Variants in FAM234A observed in about 807,000 individuals in gnomAD.
FAM234A encodes family with sequence similarity 234 member A.
Under a neutral mutation model 49.1 loss-of-function variants are expected in FAM234A, and 42 were observed. The ratio of observed to expected loss-of-function variants is 0.86; its 90% CI spans 0.67 to 1.11. FAM234A has a LOEUF of 1.11. Among genes scored for constraint, FAM234A ranks in the 50% least tolerant of loss-of-function variants. The probability of loss-of-function intolerance (pLI) is 0.00; values close to 1 mark genes in which losing one functional copy is unlikely to be tolerated. For missense variants in FAM234A, 815 were observed against 745.2 expected, an observed-to-expected ratio of 1.09 and a Z score of -1.09; for synonymous variants, 369 against 316.2, an observed-to-expected ratio of 1.17 and a Z score of -1.77.
At chr16:266,691 A>G (rs1382274415), downstream of FAM234A, among the ~76,000 whole-genome samples, 1 of 152,198 alleles carries the variant, frequency 6.6e-6, no homozygotes, top group Non-Finnish European at 1.5e-5. Context: ...GATGAGGTTG[A>G]ACAGGTGGGT....
chr16:237,027 T>TA (rs1257602872), intron 1 of FAM234A, among the ~76,000 whole-genome samples: 1 of 151,930 alleles, frequency 6.6e-6, no homozygotes, highest in Non-Finnish European at 1.5e-5. Context: ...GTGCTGGAAT[T>TA]ATAAGTGTGA....
intron 1 of FAM234A, among the ~76,000 whole-genome samples, chr16:247,674 C>G (rs1391321172): frequency 2.0e-5 from 3 of 152,034 alleles, no homozygotes; most frequent in African/African-American, 7.3e-5. Context: ...CTCAGGTACT[C>G]CGCCTGCCTT....
rs1043102 is a variant in FAM234A, at chr16:264,997, G to T, written c.1634G>T (p.Arg545Leu). Residue 545 changes from arginine to leucine, a missense_variant, in exon 13 of 13, where the codon CGG becomes CTG. Physicochemically the swap from Arg to Leu is moderately radical, Grantham distance 102 (BLOSUM62 -2). Coordinates refer to ENST00000399932, the MANE Select transcript of FAM234A (RefSeq NM_032039.4). ...SDQAIRDRFSRLRYQSEA is the reference protein window; with the variant it reads ...SDQAIRDRFSLLRYQSEA Reference sequence around the variant, plus strand: ...CAAGCCATCAGGGACCGGTTCTCCCGGCTGCGGTACCAGAGTGAGGCGTAG... The same window carrying T: ...CAAGCCATCAGGGACCGGTTCTCCCTGCTGCGGTACCAGAGTGAGGCGTAG... 2 of 1,610,408 alleles carry T rather than the reference G, an allele frequency of 1.2e-6. No individual in the cohort carries two copies. The highest frequency in any genetic ancestry group is 8.5e-7 in the Non-Finnish European group (1 of 1,178,348).
At position 263,743 on chromosome 16, in the gene FAM234A, GC is replaced by G; in HGVS notation, c.1158del (p.Val387LeufsTer25). 6.2e-7 allele frequency: 1 copy of G among 1,614,132 alleles called. No homozygotes were observed. The highest frequency in any genetic ancestry group is 8.5e-7 in the Non-Finnish European group (1 of 1,179,996). Reference protein sequence around the residue: ...GRYKPDTLAVAVENGTGTDRQ... With the variant: ...GRYKPDTLAVXVENGTGTDRQ... Reference sequence around the variant, plus strand: ...CTACAAACCAGACACCTTGGCTGTAGCCGTTGAAAACGGAACTGGCACCGAC... The same window carrying G: ...CTACAAACCAGACACCTTGGCTGTAGCGTTGAAAACGGAACTGGCACCGAC... On this transcript the variant is annotated frameshift_variant, in exon 10 of 13. Transcript: ENST00000399932. LOFTEE classifies it high-confidence loss of function.
intron 3 of FAM234A, among the ~76,000 whole-genome samples, chr16:257,975 A>C (rs2051303136): frequency 1.3e-5 from 2 of 151,936 alleles, no homozygotes; most frequent in African/African-American, 4.8e-5. Flanking sequence ...CTCCTGCCTT[A>C]GCCTCCCGAG....
At chr16:243,588 G>C (rs144955326) in intron 1 of FAM234A, among the ~76,000 whole-genome samples, 269 of 152,324 alleles carry the variant, frequency 1.8e-3, no homozygotes, top group African/African-American at 6.0e-3. Flanking sequence ...GTTGAATCAT[G>C]AACTGCCTGG....
At chr16:269,247 A>C, downstream of FAM234A, 1 of 1,474,908 alleles carries the variant, frequency 6.8e-7, no homozygotes, top group Non-Finnish European at 9.3e-7. Flanking sequence ...CAGGGACTAG[A>C]GTGGCAGATG....
intron 2 of FAM234A, among the ~76,000 whole-genome samples, chr16:253,641 AT>A (rs1487060570): frequency 6.6e-6 from 1 of 151,802 alleles, no homozygotes; most frequent in East Asian, 1.9e-4. Flanking sequence ...TGCCCTGCTA[AT>A]TTTTTGTATT....
rs2141284605 is a variant in FAM234A at position 254,694 on chromosome 16, T to G, written c.268+13T>G. The G allele has an allele frequency of 6.2e-7, 1 of 1,612,152 alleles. No individual in the cohort carries two copies. On this transcript the variant is annotated intron_variant, in intron 3 of 12. Transcript: ENST00000399932. ...TACAGTGCCGCTGGTGAGCCTCGGC[T>G]TCCCCGCCCAGTGGGGTCCAAAGCA...
chr16:263,150 G>T (rs891133613), intron 8 of FAM234A, 112 bp from the exon 9 acceptor site: 10 of 1,295,620 alleles, frequency 7.7e-6, no homozygotes, highest in Non-Finnish European at 1.1e-5. Context: ...CTGAGAAACG[G>T]GTTATGGGGG....
chr16:240,334 A>C (rs2050566675), intron 1 of FAM234A: 1 of 152,194 alleles, frequency 6.6e-6, no homozygotes, highest in South Asian at 2.1e-4. Flanking sequence ...CAGGGGACAC[A>C]GCAGACATCT....
intron 3 of FAM234A, among the ~76,000 whole-genome samples, chr16:257,393 C>T (rs2051279515): frequency 1.3e-5 from 2 of 151,332 alleles, no homozygotes; most frequent in African/African-American, 4.9e-5. Context: ...TTACAGGTGC[C>T]CGCCTCCATG....
chr16:261,633 A>G, intron 6 of FAM234A, 119 bp downstream of exon 6: 4 of 1,235,870 alleles, frequency 3.2e-6, no homozygotes, highest in African/African-American at 1.5e-5. Context: ...CTTGCCGGGG[A>G]CTCGCCCAGA....
At chr16:236,778 C>T (rs1460791467) in intron 1 of FAM234A, among the ~76,000 whole-genome samples, 1 of 124,932 alleles carries the variant, frequency 8.0e-6, no homozygotes, top group Non-Finnish European at 1.9e-5. Flanking sequence ...AGGTGGCGGG[C>T]GCCTGTAGTC....
intron 1 of FAM234A, among the ~76,000 whole-genome samples, chr16:238,850 T>C (rs36057819): frequency 0.2 from 29,123 of 142,256 alleles, 3,040 homozygotes; most frequent in South Asian, 0.27. Flanking sequence ...TTTGGGAGGC[T>C]GAGGTGGGTG....
rs769736523 is a variant in FAM234A at position 264,125 on chromosome 16, CCTT to C, written c.1307_1309del (p.Phe436del). 53 of 1,610,008 alleles carry C rather than the reference CCTT, an allele frequency of 3.3e-5. No individual in the cohort carries two copies. Among genetic ancestry groups the C allele is most frequent in the South Asian group, 6.6e-5 (6 of 90,940 alleles). The stretch of plus-strand genomic sequence containing the variant: ...CTGCCGACCGCAGACCACCGCTCAG[CCTT>C]CTTCTTCTGGGGCCTCCACGAGCTG... On this transcript the variant is annotated inframe_deletion, in exon 11 of 13. Transcript: ENST00000399932.
At chr16:245,129 T>C (rs1044788981) in intron 1 of FAM234A, among the ~76,000 whole-genome samples, 3 of 152,044 alleles carry the variant, frequency 2.0e-5, no homozygotes, top group African/African-American at 7.2e-5. Flanking sequence ...GGCAGATCAC[T>C]TGGGCCCTGG....
chr16:265,013 T>A lies in FAM234A; in HGVS notation c.1650T>A (p.Ser550Arg). 1 of 1,606,182 alleles carries A rather than the reference T, an allele frequency of 6.2e-7. No individual in the cohort carries two copies. Among genetic ancestry groups the A allele is most frequent in the Non-Finnish European group, 8.5e-7 (1 of 1,175,732 alleles). ...RDRFSRLRYQSEA is the reference protein window; with the variant it reads ...RDRFSRLRYQREA Reference sequence around the variant, plus strand: ...GGTTCTCCCGGCTGCGGTACCAGAGTGAGGCGTAGAGGCACGCCAGCCAGA... The same window carrying A: ...GGTTCTCCCGGCTGCGGTACCAGAGAGAGGCGTAGAGGCACGCCAGCCAGA... Residue 550 changes from serine (S) to arginine (R), a missense_variant, in exon 13 of 13, where the codon AGT becomes AGA. Ser to Arg is a moderately radical substitution (Grantham distance 110, BLOSUM62 -1). Transcript: ENST00000399932.
chr16:265,792 C>T lies in FAM234A; in HGVS notation c.*770C>T, dbSNP rs539113536. The T allele has an allele frequency of 2.5e-5, 25 of 985,678 alleles. No homozygotes were observed. In the South Asian group the frequency reaches 4.7e-4, roughly 19 times the overall value. 61.1% of individuals were successfully genotyped at this position (985,678 alleles called of 1,614,324 possible). A position where few individuals can be genotyped will look rare whatever the true frequency, so the allele number is the denominator to read the frequency against. ...ATCCCAAGGAACTGGCTGTGGAATG[C>T]GTGTTTGGGTCAGTCTGTGCCCTCT... On this transcript the variant is annotated 3_prime_UTR_variant, in exon 13 of 13. Transcript: ENST00000399932.
Sources: allele counts gnomAD v4.1 joint callset (sites outside exome capture counted in the v4.1 genomes callset), GRCh38; gene constraint gnomAD v4.1.1; transcripts MANE v1.5; gene names NCBI Gene and HGNC (gene_info 2026-07-23, HGNC 2026-07-21).